Variants in PARD3B observed in about 807,000 individuals in gnomAD.
PARD3B encodes partitioning defective 3 homolog B.
Under a neutral mutation model 130.2 loss-of-function variants are expected in PARD3B, and 103 were observed. The ratio of observed to expected loss-of-function variants is 0.79; its 90% CI spans 0.67 to 0.93. PARD3B has a LOEUF of 0.93. Among genes scored for constraint, PARD3B ranks in the 40% least tolerant of loss-of-function variants. The pLI, the probability that PARD3B is intolerant of heterozygous loss-of-function variation, is 0.00. For synonymous variants in PARD3B, 583 were observed against 553.2 expected (o/e 1.05, Z -0.76); for missense variants, 1,609 against 1,499.2 (o/e 1.07, Z -1.21).
chr2:205,517,165 G>A (rs529247279), intron 21 of PARD3B, among the ~76,000 whole-genome samples: 1 of 152,250 alleles, frequency 6.6e-6, no homozygotes, highest in African/African-American at 2.4e-5. Context: ...GGTTCTGTTT[G>A]CAAGTATTTT....
intron 3 of PARD3B, among the ~76,000 whole-genome samples, chr2:205,000,179 A>C (rs887296203): frequency 6.6e-6 from 1 of 152,184 alleles, no homozygotes; most frequent in Admixed American, 6.5e-5. Flanking sequence ...ATGCTAGAAG[A>C]GTTCTGGGTA....
At chr2:205,156,402 T>TA (rs542743710) in intron 10 of PARD3B, among the ~76,000 whole-genome samples, 2,218 of 151,954 alleles carry the variant, frequency 0.015, 20 homozygotes, top group Non-Finnish European at 0.023. Context: ...CCCTAAAACT[T>TA]AAAGTATAAT....
intron 2 of PARD3B, among the ~76,000 whole-genome samples, chr2:204,864,039 C>G (rs911786383): frequency 2.6e-5 from 4 of 152,080 alleles, no homozygotes; most frequent in African/African-American, 9.7e-5. Flanking sequence ...TGGGGGTGTT[C>G]CTTTCATCTT....
intron 15 of PARD3B, among the ~76,000 whole-genome samples, chr2:205,206,471 G>C (rs1179058173): frequency 1.3e-5 from 2 of 149,706 alleles, no homozygotes; most frequent in African/African-American, 2.5e-5. Flanking sequence ...GTGGTGTTTG[G>C]TTTTCTGTTC....
At chr2:205,293,790 A>T (rs2041693787) in intron 16 of PARD3B, 1 of 152,224 alleles carries the variant, frequency 6.6e-6, no homozygotes, top group African/African-American at 2.4e-5. Flanking sequence ...ACAGCACTGA[A>T]GAAAAGGGGC....
chr2:204,893,448 G>T (rs910372113), intron 2 of PARD3B, among the ~76,000 whole-genome samples: 9 of 150,688 alleles, frequency 6.0e-5, no homozygotes, highest in South Asian at 2.1e-4. Context: ...TAAATAAATG[G>T]TTTTTTTTTG....
chr2:204,738,080 T>A (rs1299898200), intron 2 of PARD3B, among the ~76,000 whole-genome samples: 1 of 152,160 alleles, frequency 6.6e-6, no homozygotes, highest in Non-Finnish European at 1.5e-5. Flanking sequence ...CCATATTAAT[T>A]TTAGGATTTT....
At chr2:204,897,358 T>C in intron 2 of PARD3B, among the ~76,000 whole-genome samples, 1 of 147,776 alleles carries the variant, frequency 6.8e-6, no homozygotes. Flanking sequence ...CCGTAATAAA[T>C]ATAGAACTAT....
chr2:205,368,440 C>G (rs1255311823), intron 18 of PARD3B, among the ~76,000 whole-genome samples: 1 of 152,056 alleles, frequency 6.6e-6, no homozygotes, highest in African/African-American at 2.4e-5. Context: ...TAAGACCAGC[C>G]TGGCCAAGAT....
chr2:204,680,027 T>G (rs139969962), intron 1 of PARD3B, among the ~76,000 whole-genome samples: 2 of 152,076 alleles, frequency 1.3e-5, no homozygotes, highest in African/African-American at 4.8e-5. Flanking sequence ...TATTATTTTC[T>G]TGTAATATCC....
Position 205,440,586 on chromosome 2 carries a change from C to G in PARD3B, c.2958C>G (p.Gly986=). 6.2e-7 allele frequency: 1 copy of G among 1,613,978 alleles called. No homozygotes were observed. The highest frequency in any genetic ancestry group is 8.5e-7 in the Non-Finnish European group (1 of 1,179,880). ...GACCATTTGGTTACCCTCGGGATGG[C>G]CATCCACTGTCTCCAGAAAGAGACC... is the stretch of plus-strand genomic sequence containing the variant. ...RAGPFGYPRD[G]HPLSPERDHL... is the part of the protein sequence containing the mutation. Residue 986 remains glycine (G), a synonymous_variant, in exon 20 of 23, where the codon GGC becomes GGG. Transcript: ENST00000406610. The surrounding 1 kb of genome is among the most constrained non-coding windows in gnomAD (Gnocchi z 4.2).
chr2:204,946,959 CT>C (rs1689377484), intron 2 of PARD3B, among the ~76,000 whole-genome samples: 1 of 152,200 alleles, frequency 6.6e-6, no homozygotes, highest in Non-Finnish European at 1.5e-5. Flanking sequence ...GAGACAGATT[CT>C]TTCTTACTCA....
intron 2 of PARD3B, among the ~76,000 whole-genome samples, chr2:204,819,265 C>A (rs1468115161): frequency 1.3e-5 from 2 of 152,218 alleles, no homozygotes; most frequent in African/African-American, 4.8e-5. Context: ...CTTCACATGT[C>A]ACTCTGTGTA....
chr2:204,765,524 GTTAT>G (rs1217777296), intron 2 of PARD3B, among the ~76,000 whole-genome samples: 5 of 152,112 alleles, frequency 3.3e-5, no homozygotes, highest in Non-Finnish European at 4.4e-5. Context: ...AGAAAATTGT[GTTAT>G]TTGACTTTCT....
chr2:204,959,821 G>A (rs1690588605), intron 2 of PARD3B, among the ~76,000 whole-genome samples: 1 of 152,088 alleles, frequency 6.6e-6, no homozygotes, highest in Non-Finnish European at 1.5e-5. Flanking sequence ...CTTTAAATTG[G>A]GAACACCAGT....
intron 18 of PARD3B, among the ~76,000 whole-genome samples, chr2:205,343,540 T>G (rs1479987897): frequency 6.6e-6 from 1 of 152,256 alleles, no homozygotes; most frequent in Non-Finnish European, 1.5e-5. Flanking sequence ...ACATAGGTCC[T>G]GTGTTAAGAC....
At chr2:205,190,342 G>C (rs149413524) in intron 14 of PARD3B, among the ~76,000 whole-genome samples, 13 of 152,318 alleles carry the variant, frequency 8.5e-5, no homozygotes, top group African/African-American at 2.9e-4. Flanking sequence ...AATGCAATCT[G>C]ATCTATGTTT....
chr2:205,534,466 CTT>C (rs760015891), intron 21 of PARD3B, among the ~76,000 whole-genome samples: 5 of 145,940 alleles, frequency 3.4e-5, no homozygotes, highest in Non-Finnish European at 4.5e-5. Flanking sequence ...ATGGAGTCCA[CTT>C]TTTTTTTTTG....
Position 205,160,449 on chromosome 2 carries a change from A to T in PARD3B, c.1620+1542A>T, listed in dbSNP as rs2034443763. Among the ~76,000 whole-genome samples the T allele has an allele frequency of 6.6e-6, 1 of 152,176 alleles. No homozygotes were observed. The highest frequency in any genetic ancestry group is 1.5e-5 in the Non-Finnish European group (1 of 68,028). ...GCAGTGGGTGAATCCGCGGGCTCCA[A>T]GCTAGCACACTGTCACCCCACACAT... On this transcript the variant is annotated intron_variant, in intron 11 of 22. Coordinates refer to ENST00000406610, the MANE Select transcript of PARD3B (RefSeq NM_001302769.2). The surrounding 1 kb of genome is among the most constrained non-coding windows in gnomAD (Gnocchi z 4.0).
Sources: allele counts gnomAD v4.1 joint callset (sites outside exome capture counted in the v4.1 genomes callset), GRCh38; gene constraint gnomAD v4.1.1; non-coding constraint Gnocchi (gnomAD v3.1); transcripts MANE v1.5; gene names NCBI Gene and HGNC (gene_info 2026-07-23, HGNC 2026-07-21).